The following ADGRB1 variants were observed in gnomAD, a reference collection of about 807,000 sequenced individuals.
The protein encoded by ADGRB1 is brain-specific angiogenesis inhibitor 1.
Under a neutral mutation model 175.7 loss-of-function variants are expected in ADGRB1, and 36 were observed. The ratio of observed to expected loss-of-function variants is 0.20; its 90% confidence interval spans 0.16 to 0.27. ADGRB1 has a LOEUF of 0.27. Ranked by LOEUF, ADGRB1 falls within the 10% of genes least tolerant of loss-of-function variation. The pLI is 1.00. For missense variants in ADGRB1, 1,731 were observed against 2,255.3 expected (o/e 0.77, Z 4.71); for synonymous variants, 1,054 against 979.4 (o/e 1.08, Z -1.42).
At chr8:142,503,313 G>A (rs1026448534) in intron 17 of ADGRB1, among the ~76,000 whole-genome samples, 5 of 152,170 alleles carry the variant, frequency 3.3e-5, no homozygotes, top group African/African-American at 1.2e-4. Flanking sequence ...TGTAATGGGG[G>A]GAAGGTTTGG....
intron 24 of ADGRB1, among the ~76,000 whole-genome samples, chr8:142,529,950 G>A (rs932459396): frequency 6.6e-6 from 1 of 151,996 alleles, no homozygotes; most frequent in South Asian, 2.1e-4. Flanking sequence ...GCATCTGTGT[G>A]AGTGCAACCC....
chr8:142,511,094 GC>G lies in ADGRB1; in HGVS notation c.2817+22del. 1 of 1,090,904 alleles carries G rather than the reference GC, an allele frequency of 9.2e-7. No individual in the cohort carries two copies. The highest frequency in any genetic ancestry group is 5.8e-5 in the East Asian group (1 of 17,380). 67.6% of individuals were successfully genotyped at this position (1,090,904 alleles called of 1,614,324 possible). A position where few individuals can be genotyped will look rare whatever the true frequency, so the allele number is the denominator to read the frequency against. ...ACGCGGTGAGACCCCGGCCGGGCCG[GC>G]GGGAGGGGCGCCGGGCAGGGGCGCG... On this transcript the variant is annotated intron_variant, in intron 18 of 30. Transcript: ENST00000517894. This position sits in a 1 kb window ranked among gnomAD's most constrained non-coding sequence, Gnocchi z 4.5.
chr8:142,528,565 T>C (rs1844372324), intron 24 of ADGRB1, among the ~76,000 whole-genome samples: 1 of 152,032 alleles, frequency 6.6e-6, no homozygotes, highest in African/African-American at 2.4e-5. Flanking sequence ...CCGCACCCCC[T>C]CGGGCGCGCC....
At position 142,533,382 on chromosome 8, in the gene ADGRB1, C is replaced by T; in HGVS notation, c.3486C>T (p.Ser1162=). Residue 1162 remains serine (S), a synonymous_variant, in exon 25 of 31, where the codon TCC becomes TCT. Coordinates refer to ENST00000517894, the MANE Select transcript of ADGRB1 (RefSeq NM_001702.3). ...TGCTCGCCGTCACCGACCGCCGCTC[C>T]GCCCTCTTCCAGATCCTCTTCGCTG... ...SAVLAVTDRR[S]ALFQILFAVF... 2 of 1,611,106 alleles carry T rather than the reference C, an allele frequency of 1.2e-6. No homozygotes were observed. Among genetic ancestry groups the T allele is most frequent in the Non-Finnish European group, 1.7e-6 (2 of 1,179,210 alleles).
At chr8:142,491,479 AG>A (rs1238357552) in intron 17 of ADGRB1, among the ~76,000 whole-genome samples, 2 of 152,196 alleles carry the variant, frequency 1.3e-5, no homozygotes, top group African/African-American at 4.8e-5. Context: ...AGCGAAGAGA[AG>A]CTCGCCCAGT....
intron 17 of ADGRB1, among the ~76,000 whole-genome samples, chr8:142,497,029 C>T (rs1489718497): frequency 6.6e-6 from 1 of 152,236 alleles, no homozygotes; most frequent in Non-Finnish European, 1.5e-5. Flanking sequence ...GGACTCCTTT[C>T]CTGAAGCTCA....
chr8:142,521,777 A>T (rs1194504919), intron 20 of ADGRB1, among the ~76,000 whole-genome samples, 188 bp from the exon 21 acceptor site: 1 of 152,220 alleles, frequency 6.6e-6, no homozygotes, highest in Non-Finnish European at 1.5e-5. Context: ...AACGGGGCTT[A>T]GATGGTCAAC....
At chr8:142,540,470 A>G (rs1463010991) in intron 27 of ADGRB1, among the ~76,000 whole-genome samples, 4 of 128,698 alleles carry the variant, frequency 3.1e-5, no homozygotes, top group Non-Finnish European at 6.3e-5. Context: ...GTGGATCCAC[A>G]TGCAGCTGGT....
rs528908625 is a variant in ADGRB1, at chr8:142,483,828, G to A, written c.2131-149G>A. The A allele has an allele frequency of 1.9e-5, 15 of 805,124 alleles. No homozygotes were observed. In the Admixed American group the frequency reaches 3.6e-4, roughly 19 times the overall value. The allele number at this position is 805,124 out of a possible 1,614,324, so 49.9% of individuals were successfully genotyped here. ...TGAACCCTGGCTCTGGTCACAGTGA[G>A]CTCTGACCCTGGTCACACACTGAGC... On this transcript the variant is annotated intron_variant, in intron 11 of 30. Transcript: ENST00000517894.
At chr8:142,529,176 A>T (rs1587421792) in intron 24 of ADGRB1, among the ~76,000 whole-genome samples, 2 of 126,214 alleles carry the variant, frequency 1.6e-5, no homozygotes, top group South Asian at 6.0e-4. Flanking sequence ...ATGAGCACAC[A>T]TGTGAGAGCA....
At chr8:142,458,505 G>A (rs914058143) in intron 1 of ADGRB1, among the ~76,000 whole-genome samples, 2 of 152,318 alleles carry the variant, frequency 1.3e-5, no homozygotes, top group Admixed American at 6.5e-5. Flanking sequence ...TGCGGTCAGT[G>A]TGTAGTGAAC....
At chr8:142,472,390 G>T (rs927419425) in intron 2 of ADGRB1, among the ~76,000 whole-genome samples, 1 of 152,180 alleles carries the variant, frequency 6.6e-6, no homozygotes, top group East Asian at 1.9e-4. Flanking sequence ...GCATTGAGTG[G>T]GGGAAGAAAG....
intron 2 of ADGRB1, among the ~76,000 whole-genome samples, chr8:142,470,105 C>T (rs768235798): frequency 4.6e-5 from 7 of 152,198 alleles, no homozygotes; most frequent in Admixed American, 6.5e-5. Flanking sequence ...ACGCGTCAGA[C>T]TCTGCAAACA....
intron 13 of ADGRB1, 92 bp downstream of exon 13, chr8:142,484,856 G>A: frequency 1.0e-6 from 1 of 984,928 alleles, no homozygotes; most frequent in African/African-American, 1.6e-5. Context: ...TGTATAAAGG[G>A]GCAGTGACCA....
At chr8:142,468,237 A>G (rs542627045) in intron 2 of ADGRB1, among the ~76,000 whole-genome samples, 2 of 151,940 alleles carry the variant, frequency 1.3e-5, no homozygotes, top group Non-Finnish European at 2.9e-5. Context: ...CGTGTGCAGT[A>G]CATTACTCAT....
chr8:142,510,898 G>C lies in ADGRB1; in HGVS notation c.2676-34G>C. The C allele has an allele frequency of 9.6e-7, 1 of 1,045,970 alleles. No individual in the cohort carries two copies. The highest frequency in any genetic ancestry group is 1.2e-6 in the Non-Finnish European group (1 of 866,314). The allele number at this position is 1,045,970 out of a possible 1,614,324, so 64.8% of individuals were successfully genotyped here. A position where few individuals can be genotyped will look rare whatever the true frequency, so the allele number is the denominator to read the frequency against. On this transcript the variant is annotated intron_variant, in intron 17 of 30. Coordinates refer to ENST00000517894, the MANE Select transcript of ADGRB1 (RefSeq NM_001702.3). The surrounding 1 kb of genome is among the most constrained non-coding windows in gnomAD (Gnocchi z 6.3). The stretch of plus-strand genomic sequence containing the variant: ...GCGTCCCCGCCGCCGCTGACGCTCC[G>C]CCTGTCTCCCTCCCGTGTCCCGCCC...
intron 12 of ADGRB1, 133 bp downstream of exon 12, chr8:142,484,178 G>C: frequency 1.4e-6 from 1 of 722,018 alleles, no homozygotes; most frequent in Non-Finnish European, 2.3e-6. Context: ...ATGGTCTCTT[G>C]CTGGTGTTGG....
At chr8:142,509,768 A>C in intron 17 of ADGRB1, among the ~76,000 whole-genome samples, 1 of 152,224 alleles carries the variant, frequency 6.6e-6, no homozygotes, top group Non-Finnish European at 1.5e-5. Context: ...CCGTGGGTTC[A>C]GAAGGAGACC....
intron 20 of ADGRB1, among the ~76,000 whole-genome samples, chr8:142,521,129 A>T (rs1324017830): frequency 2.0e-5 from 3 of 152,136 alleles, no homozygotes; most frequent in Non-Finnish European, 4.4e-5. Flanking sequence ...GCCGGCCAAG[A>T]AGGGCAGCTT....
Sources: gnomAD v4.1 joint callset for allele counts (sites outside exome capture counted in the v4.1 genomes callset) on GRCh38, gnomAD v4.1.1 for gene constraint, Gnocchi (gnomAD v3.1) non-coding constraint, MANE v1.5 for transcripts, NCBI Gene and HGNC (gene_info 2026-07-23, HGNC 2026-07-21) for gene names.